Variants in CAMKMT observed in about 807,000 individuals in gnomAD.
CAMKMT encodes the protein calmodulin-lysine N-methyltransferase, also known as CaM KMT.
A neutral mutation model predicts 48.0 loss-of-function variants in CAMKMT; 53 were observed. The observed-to-expected ratio is 1.10, with a 90% CI of 0.89 to 1.39. CAMKMT has a LOEUF of 1.39. Ranked by LOEUF, CAMKMT falls within the 40% of genes most tolerant of loss-of-function variation. CAMKMT has a pLI of 0.00. For missense variants in CAMKMT, 428 were observed against 402.7 expected (o/e 1.06, Z -0.54); for synonymous variants, 165 against 152.3 (o/e 1.08, Z -0.61).
At chr2:44,627,002 A>G (rs111772788) in intron 3 of CAMKMT, among the ~76,000 whole-genome samples, 5 of 152,200 alleles carry the variant, frequency 3.3e-5, no homozygotes, top group African/African-American at 9.7e-5. Context: ...GAAGTTAAGT[A>G]TAGATTTTTT....
At chr2:44,559,220 G>C (rs569782589) in intron 3 of CAMKMT, among the ~76,000 whole-genome samples, 1 of 152,272 alleles carries the variant, frequency 6.6e-6, no homozygotes, top group African/African-American at 2.4e-5. Flanking sequence ...TGAAATGATG[G>C]TGTTGGAAGG....
chr2:44,494,946 G>C (rs1321700303), intron 3 of CAMKMT, among the ~76,000 whole-genome samples: 1 of 152,032 alleles, frequency 6.6e-6, no homozygotes, highest in Non-Finnish European at 1.5e-5. Flanking sequence ...TATCTTATTT[G>C]GCTTAGTTTT....
At chr2:44,440,494 C>T (rs1558617028) in intron 3 of CAMKMT, among the ~76,000 whole-genome samples, 1 of 152,028 alleles carries the variant, frequency 6.6e-6, no homozygotes, top group East Asian at 1.9e-4. Context: ...TACACAAACA[C>T]TTTAAGTCTT....
At chr2:44,482,897 C>G (rs1381045751) in intron 3 of CAMKMT, among the ~76,000 whole-genome samples, 2 of 152,086 alleles carry the variant, frequency 1.3e-5, no homozygotes, top group Non-Finnish European at 2.9e-5. Flanking sequence ...AGTTTCGTGA[C>G]CTACAAAAGA....
intron 7 of CAMKMT, among the ~76,000 whole-genome samples, chr2:44,722,339 T>A (rs112607580): frequency 1.7e-4 from 26 of 152,284 alleles, no homozygotes; most frequent in African/African-American, 5.5e-4. Context: ...TGAACCACTT[T>A]AAGTTTTCTA....
chr2:44,396,390 C>A (rs867412698), intron 3 of CAMKMT, among the ~76,000 whole-genome samples: 14 of 152,034 alleles, frequency 9.2e-5, no homozygotes, highest in Middle Eastern at 6.8e-3. Flanking sequence ...AGAGCTCTTA[C>A]AAATCCATAA....
At chr2:44,594,668 G>T (rs1670542627) in intron 3 of CAMKMT, among the ~76,000 whole-genome samples, 1 of 151,992 alleles carries the variant, frequency 6.6e-6, no homozygotes. Flanking sequence ...AACTCAAGAT[G>T]GATTAAAGAC....
intron 3 of CAMKMT, among the ~76,000 whole-genome samples, chr2:44,655,634 C>A (rs1023523894): frequency 6.6e-6 from 1 of 152,170 alleles, no homozygotes; most frequent in Non-Finnish European, 1.5e-5. Context: ...ATTATCCAGG[C>A]AAGGCCACTC....
At chr2:44,728,839 C>CTTTTTTTTT (rs70937931) in intron 7 of CAMKMT, among the ~76,000 whole-genome samples, 1 of 58,310 alleles carries the variant, frequency 1.7e-5, no homozygotes, top group African/African-American at 7.3e-5. Flanking sequence ...GGGGTCTATC[C>CTTTTTTTTT]TTTTTTTTTT....
intron 3 of CAMKMT, among the ~76,000 whole-genome samples, chr2:44,668,660 G>A (rs887670664): frequency 4.6e-5 from 7 of 151,950 alleles, no homozygotes; most frequent in Non-Finnish European, 7.4e-5. Flanking sequence ...TATATAATTC[G>A]TAGAATATTA....
rs532406551 is a variant in CAMKMT at position 44,712,358 on chromosome 2, T to C, written c.557-2929T>C. Among the ~76,000 whole-genome samples the C allele has an allele frequency of 2.0e-5, 3 of 152,248 alleles. No homozygotes were observed. In the East Asian group the frequency reaches 5.8e-4, roughly 29 times the overall value. ...AACATGCCAACTCTCAAAATATATA[T>C]ATAACTACTGATAAATAATTGCTAA... On this transcript the variant is annotated intron_variant, in intron 6 of 10. Transcript: ENST00000378494.
chr2:44,486,797 C>T (rs1396710305), intron 3 of CAMKMT, among the ~76,000 whole-genome samples: 1 of 152,220 alleles, frequency 6.6e-6, no homozygotes, highest in Non-Finnish European at 1.5e-5. Context: ...CCCAAGAAAC[C>T]GTAAGCTTCC....
chr2:44,479,043 A>G (rs1668837916), intron 3 of CAMKMT, among the ~76,000 whole-genome samples: 1 of 152,198 alleles, frequency 6.6e-6, no homozygotes, highest in African/African-American at 2.4e-5. Context: ...TCCTTGGTAC[A>G]TATTGCTATT....
intron 10 of CAMKMT, 45 bp downstream of exon 10, chr2:44,766,606 A>G (rs1292090469): frequency 6.2e-7 from 1 of 1,603,514 alleles, no homozygotes; most frequent in Non-Finnish European, 8.5e-7. Flanking sequence ...TCCGCATTGC[A>G]TTTTGAAGAG....
chr2:44,411,274 C>T (rs1382649658), intron 3 of CAMKMT, among the ~76,000 whole-genome samples: 2 of 152,108 alleles, frequency 1.3e-5, no homozygotes, highest in Non-Finnish European at 2.9e-5. Flanking sequence ...TTACTCATTA[C>T]ATATTTGAGT....
chr2:44,717,016 G>A (rs1399522011), intron 7 of CAMKMT, among the ~76,000 whole-genome samples: 1 of 152,124 alleles, frequency 6.6e-6, no homozygotes, highest in Non-Finnish European at 1.5e-5. Context: ...CTTATGGAGT[G>A]CAATGGTATT....
At chr2:44,541,105 A>G (rs1667083008) in intron 3 of CAMKMT, among the ~76,000 whole-genome samples, 1 of 152,188 alleles carries the variant, frequency 6.6e-6, no homozygotes, top group Admixed American at 6.5e-5. Flanking sequence ...TGTTTTAGTT[A>G]TAGAAGCTTA....
chr2:44,378,064 T>C (rs2104377083), intron 2 of CAMKMT, among the ~76,000 whole-genome samples: 2 of 152,348 alleles, frequency 1.3e-5, no homozygotes, highest in South Asian at 4.1e-4. Context: ...TTTAAAAGCA[T>C]AGTTTTATTG....
At chr2:44,704,559 T>G (rs569576532) in intron 4 of CAMKMT, among the ~76,000 whole-genome samples, 45 of 152,202 alleles carry the variant, frequency 3.0e-4, no homozygotes, top group Non-Finnish European at 5.7e-4. Flanking sequence ...GTACTAATAT[T>G]GCACAGCAAG....
Sources: gnomAD v4.1 joint callset for allele counts (sites outside exome capture counted in the v4.1 genomes callset) on GRCh38, gnomAD v4.1.1 for gene constraint, MANE v1.5 for transcripts, NCBI Gene and HGNC (gene_info 2026-07-23, HGNC 2026-07-21) for gene names.